NAA60: variants seen among roughly 807,000 people sequenced by gnomAD.
NAA60 encodes the protein N-alpha-acetyltransferase 60, NatF catalytic subunit.
Under a neutral mutation model 26.1 loss-of-function variants are expected in NAA60, and 8 were observed. The ratio of observed to expected loss-of-function variants is 0.31; its 90% CI spans 0.18 to 0.55. The LOEUF (loss-of-function observed/expected upper bound fraction) is 0.55. Ranked by LOEUF, NAA60 falls within the 20% of genes least tolerant of loss-of-function variation. The pLI, the probability that NAA60 is intolerant of heterozygous loss-of-function variation, is 0.93. For synonymous variants in NAA60, 131 were observed against 122.5 expected, an observed-to-expected ratio of 1.07 and a Z score of -0.46; for missense variants, 290 against 311.3, an observed-to-expected ratio of 0.93 and a Z score of 0.51.
At chr16:3,464,524 T>A (rs1256041837) in intron 2 of NAA60, among the ~76,000 whole-genome samples, 1 of 152,170 alleles carries the variant, frequency 6.6e-6, no homozygotes, top group African/African-American at 2.4e-5. Flanking sequence ...GCTGTGTCCA[T>A]CTCGCCCGCT....
intron 2 of NAA60, 88 bp from the exon 3 acceptor site, chr16:3,476,134 C>T (rs865882795): frequency 1.7e-5 from 17 of 978,004 alleles, no homozygotes; most frequent in Middle Eastern, 5.2e-4. Flanking sequence ...GGACATGCTC[C>T]GTGCTCTTCT....
intron 2 of NAA60, among the ~76,000 whole-genome samples, chr16:3,449,131 T>C (rs1380821729): frequency 6.6e-6 from 1 of 152,212 alleles, no homozygotes; most frequent in Non-Finnish European, 1.5e-5. Context: ...CCCAGCACTT[T>C]AGGAGGTGAG....
chr16:3,450,046 AAG>A (rs2034716074), intron 2 of NAA60: 1 of 389,868 alleles, frequency 2.6e-6, no homozygotes, highest in Non-Finnish European at 4.5e-6. Context: ...AAGAGAAAAG[AAG>A]AAGAAGGAAC....
chr16:3,458,282 C>T (rs1271471437), intron 2 of NAA60: 1 of 772,946 alleles, frequency 1.3e-6, no homozygotes, highest in African/African-American at 1.9e-5. Flanking sequence ...GGGGCCAGCG[C>T]CCACCGGGTA....
In NAA60 at chr16:3,485,003, T is replaced by C; in HGVS notation, c.*148T>C. 2.0e-6 allele frequency: 3 copies of C among 1,525,654 alleles called. No individual in the cohort carries two copies. Among genetic ancestry groups the C allele is most frequent in the Non-Finnish European group, 2.6e-6 (3 of 1,138,756 alleles). The allele number at this position is 1,525,654 out of a possible 1,614,324, so 94.5% of individuals were successfully genotyped here. ...CCTGCCCCAGCTGCAGGCCCGGTGC[T>C]ACACGGGCTCGGGAACAGAACATCG... On this transcript the variant is annotated 3_prime_UTR_variant, in exon 7 of 8. Transcript: ENST00000407558.
At chr16:3,451,861 T>C (rs2034799019) in intron 2 of NAA60, among the ~76,000 whole-genome samples, 1 of 151,176 alleles carries the variant, frequency 6.6e-6, no homozygotes, top group African/African-American at 2.4e-5. Flanking sequence ...GAAATTGCAG[T>C]GAGCTGAGAC....
chr16:3,460,185 G>T (rs1415949129), intron 2 of NAA60, among the ~76,000 whole-genome samples: 1 of 152,106 alleles, frequency 6.6e-6, no homozygotes. Context: ...TAGCCCAGAG[G>T]TCCCATTTGC....
intron 3 of NAA60, among the ~76,000 whole-genome samples, chr16:3,477,552 G>A (rs575690715): frequency 1.4e-4 from 21 of 151,402 alleles, no homozygotes; most frequent in Non-Finnish European, 2.6e-4. Flanking sequence ...TGTAATCCCA[G>A]CACTTTGGGA....
intron 4 of NAA60, 52 bp downstream of exon 4, chr16:3,479,652 C>T: frequency 6.3e-7 from 1 of 1,594,188 alleles, no homozygotes; most frequent in Non-Finnish European, 8.6e-7. Flanking sequence ...TTGGACGGGC[C>T]AAGGGGGCTT....
intron 2 of NAA60, among the ~76,000 whole-genome samples, chr16:3,474,190 C>T (rs1278936985): frequency 6.6e-6 from 1 of 152,240 alleles, no homozygotes; most frequent in African/African-American, 2.4e-5. Flanking sequence ...GAACCAGGAG[C>T]TGAGAACCAC....
rs12448060 is a variant in NAA60 at position 3,458,704 on chromosome 16, C to G, written c.-7+10164C>G. On this transcript the variant is annotated intron_variant, in intron 2 of 7. Transcript: ENST00000407558. ...CTGAACTCCTGAAAGCCAGGGGCTC[C>G]GTCTAGGTCTCCTCCTAGTCTTATT... is the stretch of plus-strand genomic sequence containing the variant. 6.0e-3 allele frequency among the ~76,000 whole-genome samples: 907 copies of G among 152,200 alleles called. 3 individuals carry two copies. The highest frequency in any genetic ancestry group is 0.01 in the Middle Eastern group (3 of 294).
At chr16:3,465,873 G>T (rs80246648) in intron 2 of NAA60, among the ~76,000 whole-genome samples, 5 of 152,152 alleles carry the variant, frequency 3.3e-5, no homozygotes, top group African/African-American at 1.2e-4. Context: ...CCAGGGTAGG[G>T]CCTGAATTTT....
intron 2 of NAA60, among the ~76,000 whole-genome samples, chr16:3,468,369 C>T (rs1192633780): frequency 6.6e-6 from 1 of 152,128 alleles, no homozygotes; most frequent in Non-Finnish European, 1.5e-5. Context: ...TCTAAGAAGT[C>T]AGCATGAATT....
At chr16:3,446,178 T>G (rs1007895698) in intron 1 of NAA60, among the ~76,000 whole-genome samples, 26 of 152,294 alleles carry the variant, frequency 1.7e-4, no homozygotes, top group Admixed American at 1.6e-3. Context: ...TCTCTGAAAA[T>G]TATCTTTTTA....
chr16:3,454,082 C>A (rs1332819316), intron 2 of NAA60, among the ~76,000 whole-genome samples: 1 of 152,148 alleles, frequency 6.6e-6, no homozygotes, highest in East Asian at 1.9e-4. Context: ...ATTTCAGGAG[C>A]AGTCTTGGCC....
At chr16:3,470,866 G>C (rs1050167331) in intron 2 of NAA60, among the ~76,000 whole-genome samples, 3 of 152,188 alleles carry the variant, frequency 2.0e-5, no homozygotes, top group Admixed American at 1.3e-4. Flanking sequence ...TCTCTGTTTC[G>C]TGCACCTTCC....
chr16:3,484,984 C>T lies in NAA60; in HGVS notation c.*129C>T. 1.3e-6 allele frequency: 2 copies of T among 1,528,226 alleles called. No individual in the cohort carries two copies. Among genetic ancestry groups the T allele is most frequent in the South Asian group, 1.2e-5 (1 of 83,772 alleles). The allele number at this position is 1,528,226 out of a possible 1,614,324, so 94.7% of individuals were successfully genotyped here. ...ATCTAACTGGGCTCGTCGGCCTGCC[C>T]CAGCTGCAGGCCCGGTGCTACACGG... On this transcript the variant is annotated 3_prime_UTR_variant, in exon 7 of 8. Transcript: ENST00000407558.
chr16:3,479,763 CTGTGTG>C (rs397970860), intron 4 of NAA60, among the ~76,000 whole-genome samples, 163 bp downstream of exon 4: 1 of 150,994 alleles, frequency 6.6e-6, no homozygotes, highest in East Asian at 1.9e-4. Context: ...TGGTGCTTTT[CTGTGTG>C]TGTGTGTGTG....
intron 2 of NAA60, among the ~76,000 whole-genome samples, chr16:3,456,065 C>T (rs1377551404): frequency 1.3e-5 from 2 of 152,154 alleles, no homozygotes; most frequent in Middle Eastern, 3.2e-3. Context: ...TTCATCTTAA[C>T]GGTGCTGTAT....
Sources: gnomAD v4.1 joint callset for allele counts (sites outside exome capture counted in the v4.1 genomes callset) on GRCh38, gnomAD v4.1.1 for gene constraint, MANE v1.5 for transcripts, NCBI Gene and HGNC (gene_info 2026-07-23, HGNC 2026-07-21) for gene names.